TSPAN7: variants seen among roughly 807,000 people sequenced by gnomAD.
The protein encoded by TSPAN7 is tetraspanin-7.
Under a neutral mutation model 17.6 loss-of-function variants are expected in TSPAN7, and 1 was observed. That is an observed-to-expected ratio of 0.06 (90% CI 0.02 to 0.27). TSPAN7 has a LOEUF of 0.27. Among genes scored for constraint, TSPAN7 ranks in the 10% least tolerant of loss-of-function variants. The pLI is 1.00. For synonymous variants in TSPAN7, 78 were observed against 79.0 expected, an observed-to-expected ratio of 0.99 and a Z score of 0.07; for missense variants, 112 against 201.7, an observed-to-expected ratio of 0.56 and a Z score of 2.69.
intron 1 of TSPAN7, among the ~76,000 whole-genome samples, chrX:38,638,558 C>A (rs935546716): frequency 9.0e-6 from 1 of 111,612 alleles, no homozygotes; most frequent in Non-Finnish European, 1.9e-5. Flanking sequence ...GATTGTAGAG[C>A]CCTATCTTCT....
intron 1 of TSPAN7, among the ~76,000 whole-genome samples, chrX:38,628,223 G>A (rs1339035552): frequency 1.8e-5 from 2 of 112,946 alleles, no homozygotes; most frequent in East Asian, 5.6e-4. Context: ...ACTCCCAGGA[G>A]CATCCTGTAA....
At chrX:38,579,998 C>A (rs1264606681) in intron 1 of TSPAN7, among the ~76,000 whole-genome samples, 1 of 112,373 alleles carries the variant, frequency 8.9e-6, no homozygotes, top group African/African-American at 3.2e-5. Context: ...ATGAATCATG[C>A]CATGCATATT....
At chrX:38,649,658 C>T (rs758163944) in intron 1 of TSPAN7, among the ~76,000 whole-genome samples, 1 of 111,606 alleles carries the variant, frequency 9.0e-6, no homozygotes, top group Non-Finnish European at 1.9e-5. Flanking sequence ...AGGGTCCGTT[C>T]AGGGCAAAGG....
chrX:38,657,712 G>A (rs975986939), intron 1 of TSPAN7, among the ~76,000 whole-genome samples: 3 of 112,576 alleles, frequency 2.7e-5, no homozygotes, highest in Non-Finnish European at 5.6e-5. Flanking sequence ...CATGACTGGT[G>A]TAAGCTAGTG....
Position 38,671,497 on chromosome X carries a change from G to A in TSPAN7, c.345+47G>A, listed in dbSNP as rs776279928. On this transcript the variant is annotated intron_variant, in intron 3 of 7. Transcript: ENST00000378482. The stretch of plus-strand genomic sequence containing the variant: ...AACTCAGTTAAGGGGTGTTTGGGAG[G>A]AGGATTCTTGAAACCTCTTGAAATG... The A allele has an allele frequency of 2.0e-5, 22 of 1,120,042 alleles. No individual in the cohort carries two copies. In the East Asian group the frequency reaches 4.2e-4, roughly 21 times the overall value. 92.3% of individuals were successfully genotyped at this position (1,120,042 alleles called of 1,213,427 possible).
At chrX:38,660,743 A>T in intron 1 of TSPAN7, among the ~76,000 whole-genome samples, 1 of 112,088 alleles carries the variant, frequency 8.9e-6, no homozygotes, top group East Asian at 2.8e-4. Context: ...GTTGGTTTTT[A>T]GATACAGTGC....
chrX:38,585,100 A>G (rs1222306205), intron 1 of TSPAN7, among the ~76,000 whole-genome samples: 1 of 111,993 alleles, frequency 8.9e-6, no homozygotes, highest in Non-Finnish European at 1.9e-5. Flanking sequence ...TATCTGTTCC[A>G]TTATCGGACA....
intron 1 of TSPAN7, among the ~76,000 whole-genome samples, chrX:38,664,847 A>G (rs1602119546): frequency 8.9e-6 from 1 of 112,083 alleles, no homozygotes; most frequent in African/African-American, 3.2e-5. Flanking sequence ...CACTTACCTT[A>G]TGCAGTGAAA....
intron 1 of TSPAN7, among the ~76,000 whole-genome samples, chrX:38,665,490 G>A (rs1332401164): frequency 8.9e-6 from 1 of 111,792 alleles, no homozygotes; most frequent in African/African-American, 3.3e-5. Context: ...CATGCTATAG[G>A]GATTTCCTTT....
chrX:38,614,472 T>C (rs1164219849), intron 1 of TSPAN7, among the ~76,000 whole-genome samples: 1 of 112,877 alleles, frequency 8.9e-6, no homozygotes, highest in African/African-American at 3.2e-5. Flanking sequence ...TGAAGGTTTT[T>C]ACCAAGTCCA....
chrX:38,574,912 G>A (rs1209904442), intron 1 of TSPAN7, among the ~76,000 whole-genome samples: 1 of 110,204 alleles, frequency 9.1e-6, no homozygotes, highest in Non-Finnish European at 1.9e-5. Flanking sequence ...ACCTGAGACT[G>A]TCGTCTAATT....
chrX:38,628,205 G>T (rs184821074), intron 1 of TSPAN7, among the ~76,000 whole-genome samples: 46 of 112,922 alleles, frequency 4.1e-4, no homozygotes, highest in African/African-American at 1.2e-3. Context: ...AGCTGTGTTG[G>T]TAAGTGGACT....
chrX:38,672,610 G>A (rs2069828476), intron 3 of TSPAN7, among the ~76,000 whole-genome samples: 1 of 111,606 alleles, frequency 9.0e-6, no homozygotes, highest in Non-Finnish European at 1.9e-5. Flanking sequence ...CCTCGTGCAT[G>A]TATGAACACC....
intron 1 of TSPAN7, among the ~76,000 whole-genome samples, chrX:38,654,273 G>C (rs999444331): frequency 4.5e-5 from 5 of 112,012 alleles, no homozygotes; most frequent in Non-Finnish European, 9.4e-5. Context: ...AAGCACCTCA[G>C]TTGTACATTT....
rs1423976730 is a variant in TSPAN7 at position 38,688,211 on chromosome X, C to T, written c.*280C>T. 8.8e-6 allele frequency: 1 copy of T among 113,216 alleles called. No homozygotes were observed. The highest frequency in any genetic ancestry group is 3.2e-5 in the African/African-American group (1 of 31,018). 9.3% of individuals were successfully genotyped at this position (113,216 alleles called of 1,213,427 possible). On this transcript the variant is annotated 3_prime_UTR_variant, in exon 8 of 8. Transcript: ENST00000378482. ...AGTCCTAGTGAACCTCACCCCGAGGCCCTGCATGGGCCAGCCCCTCCATCT... is the reference window on the plus strand; with the variant it reads ...AGTCCTAGTGAACCTCACCCCGAGGTCCTGCATGGGCCAGCCCCTCCATCT...
chrX:38,569,294 C>T (rs1017923463), intron 1 of TSPAN7, among the ~76,000 whole-genome samples: 4 of 110,877 alleles, frequency 3.6e-5, no homozygotes, highest in Non-Finnish European at 7.6e-5. Flanking sequence ...TCTAATTGCT[C>T]TCTGAGTAAA....
At chrX:38,571,524 T>C (rs2069169487) in intron 1 of TSPAN7, among the ~76,000 whole-genome samples, 1 of 111,057 alleles carries the variant, frequency 9.0e-6, no homozygotes, top group South Asian at 3.8e-4. Context: ...GTACTGGCAA[T>C]ATTAATTTGG....
At chrX:38,684,376 G>T (rs1220085083) in intron 6 of TSPAN7, among the ~76,000 whole-genome samples, 1 of 111,320 alleles carries the variant, frequency 9.0e-6, no homozygotes, top group Non-Finnish European at 1.9e-5. Flanking sequence ...TGATGGGCAG[G>T]GTCTGCTGCC....
chrX:38,621,766 C>T lies in TSPAN7; in HGVS notation c.82-44355C>T, dbSNP rs186999383. Among the ~76,000 whole-genome samples, 37 of 112,112 alleles carry T rather than the reference C, an allele frequency of 3.3e-4. 1 individual carries two copies. In the East Asian group the frequency reaches 0.01, roughly 31 times the overall value. On this transcript the variant is annotated intron_variant, in intron 1 of 7. Coordinates refer to ENST00000378482, the MANE Select transcript of TSPAN7 (RefSeq NM_004615.4). ...AAATAAATAAATAAAAATGCAGTAG[C>T]TTCCTGATCAGAAAGAGGGAATAAT...
Sources: allele counts gnomAD v4.1 joint callset (sites outside exome capture counted in the v4.1 genomes callset), GRCh38; gene constraint gnomAD v4.1.1; transcripts MANE v1.5; gene names NCBI Gene and HGNC (gene_info 2026-07-23, HGNC 2026-07-21).